NUCB2: variants seen among roughly 807,000 people sequenced by gnomAD.
NUCB2 encodes nucleobindin 2, also known as nucleobindin-2.
NUCB2 carries 48 observed loss-of-function variants against 57.9 expected under a neutral mutation model. The ratio of observed to expected loss-of-function variants is 0.83; its 90% CI spans 0.66 to 1.05. The LOEUF (loss-of-function observed/expected upper bound fraction) is 1.05. Among genes scored for constraint, NUCB2 ranks in the 50% least tolerant of loss-of-function variants. The pLI, the probability that NUCB2 is intolerant of heterozygous loss-of-function variation, is 0.00. For synonymous variants in NUCB2, 139 were observed against 152.1 expected (o/e 0.91, Z 0.64); for missense variants, 442 against 476.2 (o/e 0.93, Z 0.67).
At chr11:17,288,830 C>T (rs1221511849) in intron 2 of NUCB2, among the ~76,000 whole-genome samples, 2 of 144,482 alleles carry the variant, frequency 1.4e-5, no homozygotes, top group Non-Finnish European at 3.0e-5. Context: ...GTTGGGATTA[C>T]AGGCATGAGC....
At chr11:17,303,519 T>A (rs1947111112) in intron 5 of NUCB2, among the ~76,000 whole-genome samples, 1 of 152,208 alleles carries the variant, frequency 6.6e-6, no homozygotes, top group Non-Finnish European at 1.5e-5. Context: ...ATTAGAATCC[T>A]TATTCTTTTA....
At position 17,338,725 on chromosome 11, in the gene NUCB2, G is replaced by A. The variant is rs1952001498; in HGVS notation, n.2626+1191G>A. On this transcript the variant is annotated intron_variant and non_coding_transcript_variant, in intron 2 of 2. Transcript: ENST00000532240. Reference sequence around the variant, plus strand: ...GTCACTCAGGCTGGAGTGCAGTGGCGTGATCTCGGCTCACTGTAACCTCCG... The same window carrying A: ...GTCACTCAGGCTGGAGTGCAGTGGCATGATCTCGGCTCACTGTAACCTCCG... 2.0e-5 allele frequency among the ~76,000 whole-genome samples: 3 copies of A among 151,936 alleles called. 1 individual carries two copies. Among genetic ancestry groups the A allele is most frequent in the South Asian group, 4.1e-4 (2 of 4,828 alleles).
At chr11:17,340,954 G>A (rs574817006) in intron 2 of NUCB2, among the ~76,000 whole-genome samples, 129 of 152,320 alleles carry the variant, frequency 8.5e-4, no homozygotes, top group African/African-American at 3.0e-3. Flanking sequence ...CTACCCAGGA[G>A]CATGGAATGT....
At chr11:17,338,864 A>G (rs1047377440) in intron 2 of NUCB2, among the ~76,000 whole-genome samples, 1 of 152,126 alleles carries the variant, frequency 6.6e-6, no homozygotes, top group Non-Finnish European at 1.5e-5. Context: ...GGGTTTCACC[A>G]TGGTGGCCAG....
rs180751580 is a variant in NUCB2 at position 17,330,935 on chromosome 11, C to G, written c.1207C>G (p.Gln403Glu). ...IQQMEQKKLQ[Q>E]GIPPSGPAGE... ...GCAGATGGAACAAAAAAAATTACAA[C>G]AAGGAATTCCTCCATCAGGGCCAGC... Residue 403 changes from glutamine (Q) to glutamate (E), a missense_variant, in exon 13 of 14, where the codon CAA (glutamine) becomes GAA (glutamate). Gln to Glu is a conservative substitution (Grantham distance 29, BLOSUM62 2). Coordinates refer to ENST00000529010, the MANE Select transcript of NUCB2 (RefSeq NM_005013.4). This position sits in a 1 kb window ranked among gnomAD's most constrained non-coding sequence, Gnocchi z 4.3. 1 of 1,586,116 alleles carries G rather than the reference C, an allele frequency of 6.3e-7. No individual in the cohort carries two copies. Among genetic ancestry groups the G allele is most frequent in the Non-Finnish European group, 8.6e-7 (1 of 1,159,298 alleles).
chr11:17,311,494 G>A (rs1415570618), intron 8 of NUCB2, among the ~76,000 whole-genome samples: 1 of 152,086 alleles, frequency 6.6e-6, no homozygotes, highest in African/African-American at 2.4e-5. Flanking sequence ...GGCTTTTACT[G>A]TTGAGTCATA....
intron 6 of NUCB2, 40 bp downstream of exon 6, chr11:17,309,715 T>G: frequency 8.0e-7 from 1 of 1,253,890 alleles, no homozygotes. Flanking sequence ...TATTGTGCCT[T>G]TGAGGTTTTG....
intron 2 of NUCB2, among the ~76,000 whole-genome samples, chr11:17,346,933 A>T (rs1952793692): frequency 6.6e-6 from 1 of 152,190 alleles, no homozygotes; most frequent in African/African-American, 2.4e-5. Flanking sequence ...CAACGATAGT[A>T]TAATGAATTT....
intron 1 of NUCB2, among the ~76,000 whole-genome samples, chr11:17,279,441 C>T (rs1435518223): frequency 6.6e-6 from 1 of 152,098 alleles, no homozygotes; most frequent in Non-Finnish European, 1.5e-5. Context: ...TTACAGTAGT[C>T]CTCCTTTATC....
chr11:17,335,090 C>G (rs1951697907), downstream of NUCB2, among the ~76,000 whole-genome samples: 1 of 151,588 alleles, frequency 6.6e-6, no homozygotes. Flanking sequence ...AAAAACCACT[C>G]AATGTAGTAA....
At chr11:17,334,650 C>T (rs1951661416), downstream of NUCB2, among the ~76,000 whole-genome samples, 1 of 152,182 alleles carries the variant, frequency 6.6e-6, no homozygotes, top group African/African-American at 2.4e-5. Flanking sequence ...CTTTGGGAAG[C>T]CAAGGTGAGT....
intron 1 of NUCB2, among the ~76,000 whole-genome samples, chr11:17,282,019 AT>A (rs1565356995): frequency 6.6e-6 from 1 of 151,644 alleles, no homozygotes; most frequent in African/African-American, 2.4e-5. Flanking sequence ...AACAAAGTTA[AT>A]TTTTTTAAAT....
At chr11:17,287,672 CAAAAAAAAAA>C (rs1158145912) in intron 2 of NUCB2, among the ~76,000 whole-genome samples, 1 of 65,394 alleles carries the variant, frequency 1.5e-5, no homozygotes, top group South Asian at 4.9e-4. Flanking sequence ...AACTCCACCT[CAAAAAAAAAA>C]AAAAAAAAAA....
At chr11:17,295,504 T>G (rs1161178652) in intron 3 of NUCB2, 37 bp downstream of exon 3, 5 of 1,436,744 alleles carry the variant, frequency 3.5e-6, no homozygotes, top group Non-Finnish European at 4.9e-6. Context: ...GAATTATAAC[T>G]AAATGAAATG....
chr11:17,349,027 G>A (rs766511993), intron 2 of NUCB2, among the ~76,000 whole-genome samples: 12 of 152,054 alleles, frequency 7.9e-5, no homozygotes, highest in Admixed American at 1.3e-4. Context: ...TGATCCACCC[G>A]CCTCGGCCTC....
At chr11:17,326,178 A>C (rs982742009) in intron 11 of NUCB2, among the ~76,000 whole-genome samples, 1 of 151,562 alleles carries the variant, frequency 6.6e-6, no homozygotes, top group Non-Finnish European at 1.5e-5. Flanking sequence ...TTTTGTATTT[A>C]TAATAGAGAC....
At position 17,301,776 on chromosome 11, in the gene NUCB2, A is replaced by C; in HGVS notation, c.285A>C (p.Val95=). ...GGCTAAGCAAAGAACTGGATTTAGT[A>C]AGTCACCATGTGAGGACAAAACTTG... ...SGRLSKELDL[V]SHHVRTKLDE... The change falls in exon 5 of 14, where the codon GTA becomes GTC. Residue 95 remains valine (V), a synonymous_variant. Transcript: ENST00000529010. 6.2e-7 allele frequency: 1 copy of C among 1,609,606 alleles called. No individual in the cohort carries two copies.
chr11:17,279,132 C>T (rs1941996861), intron 1 of NUCB2, among the ~76,000 whole-genome samples: 1 of 152,154 alleles, frequency 6.6e-6, no homozygotes, highest in Non-Finnish European at 1.5e-5. Context: ...GCGGAGGTTG[C>T]AGTGAGCCGA....
Position 17,317,237 on chromosome 11 carries a change from T to A in NUCB2, c.1002+1762T>A, listed in dbSNP as rs201889957. Among the ~76,000 whole-genome samples the A allele has an allele frequency of 2.6e-5, 4 of 152,294 alleles. No homozygotes were observed. The East Asian group carries it at 5.8e-4, about 22-fold the overall frequency. On this transcript the variant is annotated intron_variant, in intron 11 of 13. Transcript: ENST00000529010. Reference sequence around the variant, plus strand: ...CTCTTTCCCTCCTCTCTATTTTTAATCTCTATGTGTGTGTATGTATAACAT... The same window carrying A: ...CTCTTTCCCTCCTCTCTATTTTTAAACTCTATGTGTGTGTATGTATAACAT...
Sources: allele counts gnomAD v4.1 joint callset (sites outside exome capture counted in the v4.1 genomes callset), GRCh38; gene constraint gnomAD v4.1.1; non-coding constraint Gnocchi (gnomAD v3.1); transcripts MANE v1.5; gene names NCBI Gene and HGNC (gene_info 2026-07-23, HGNC 2026-07-21).